The following TRIM8 variants were observed in gnomAD, a reference collection of about 807,000 sequenced individuals.
TRIM8 encodes E3 ubiquitin-protein ligase TRIM8.
In TRIM8, 9 loss-of-function variants were observed where a neutral mutation model predicts 55.7. The ratio of observed to expected loss-of-function variants is 0.16; its 90% CI spans 0.10 to 0.28. TRIM8 has a LOEUF of 0.28. Among genes scored for constraint, TRIM8 ranks in the 10% least tolerant of loss-of-function variants. TRIM8 has a pLI of 1.00. For missense variants in TRIM8, 556 were observed against 736.4 expected, an observed-to-expected ratio of 0.76 and a Z score of 2.83; for synonymous variants, 335 against 333.3, an observed-to-expected ratio of 1.01 and a Z score of -0.06.
Position 102,655,010 on chromosome 10 carries a change from G to A in TRIM8, c.667-70G>A. ...CTTAGGGTTCTAGGATGTGAGAAGG[G>A]TAAGAGGGGGGGAAACCAAAGGTTT... is the stretch of plus-strand genomic sequence containing the variant. On this transcript the variant is annotated intron_variant, in intron 2 of 5. Coordinates refer to ENST00000643721, the MANE Select transcript of TRIM8 (RefSeq NM_030912.3). 2.6e-6 allele frequency: 4 copies of A among 1,551,914 alleles called. No individual in the cohort carries two copies. The South Asian group carries it at 4.5e-5, about 18-fold the overall frequency.
At chr10:102,654,533 G>A (rs2064008501) in intron 1 of TRIM8, 120 bp from the exon 2 acceptor site, 1 of 814,374 alleles carries the variant, frequency 1.2e-6, no homozygotes, top group African/African-American at 1.7e-5. Flanking sequence ...GGGCTGGGTA[G>A]CAGAGGCTTG....
chr10:102,657,494 A>G lies in TRIM8; in HGVS notation c.*140A>G. Reference sequence around the variant, plus strand: ...ATTGCCCCAGGTCTTTTCCTTTTGGATTTTGTTTTGGTTTTGGCTTTGTTT... The same window carrying G: ...ATTGCCCCAGGTCTTTTCCTTTTGGGTTTTGTTTTGGTTTTGGCTTTGTTT... On this transcript the variant is annotated 3_prime_UTR_variant, in exon 6 of 6. Transcript: ENST00000643721. The G allele has an allele frequency of 1.7e-6, 2 of 1,147,774 alleles. No homozygotes were observed. The highest frequency in any genetic ancestry group is 2.8e-5 in the East Asian group (1 of 35,712). The allele number at this position is 1,147,774 out of a possible 1,614,324, so 71.1% of individuals were successfully genotyped here. A position where few individuals can be genotyped will look rare whatever the true frequency, so the allele number is the denominator to read the frequency against.
At chr10:102,648,886 G>GC (rs2063957341) in intron 1 of TRIM8, among the ~76,000 whole-genome samples, 1 of 152,186 alleles carries the variant, frequency 6.6e-6, no homozygotes, top group East Asian at 1.9e-4. Flanking sequence ...TTTCTCCGTT[G>GC]CCCGTGAAAG....
At position 102,650,008 on chromosome 10, in the gene TRIM8, C is replaced by T. The variant is rs894556212; in HGVS notation, c.571-4645C>T. ...AGGGACCTAAGCAGGAAGAGGCTGC[C>T]CAGCCCCCTCTTCTTGCCCCTCCCA... On this transcript the variant is annotated intron_variant, in intron 1 of 5. Coordinates refer to ENST00000643721, the MANE Select transcript of TRIM8 (RefSeq NM_030912.3). Among the ~76,000 whole-genome samples, 210 of 32,474 alleles carry T rather than the reference C, an allele frequency of 6.5e-3. 1 individual carries two copies. Among genetic ancestry groups the T allele is most frequent in the Middle Eastern group, 0.022 (1 of 46 alleles). The allele number at this position is 32,474 out of a possible 152,430, so 21.3% of individuals were successfully genotyped here.
At chr10:102,649,978 CG>C (rs2063967010) in intron 1 of TRIM8, among the ~76,000 whole-genome samples, 1 of 151,820 alleles carries the variant, frequency 6.6e-6, no homozygotes, top group South Asian at 2.1e-4. Flanking sequence ...TGGAGCTGGC[CG>C]GGCAGGGACC....
intron 1 of TRIM8, chr10:102,645,806 A>C (rs1233493175): frequency 6.6e-6 from 1 of 152,232 alleles, no homozygotes; most frequent in African/African-American, 2.4e-5. Context: ...TCCTCCCGAG[A>C]GCCGGCTCTC....
intron 1 of TRIM8, 104 bp from the exon 2 acceptor site, chr10:102,654,549 A>T (rs561094560): frequency 1.1e-6 from 1 of 931,304 alleles, no homozygotes; most frequent in South Asian, 1.4e-5. Context: ...GCTTGGTGCC[A>T]TCGGGTCAAA....
chr10:102,649,571 A>C, intron 1 of TRIM8, among the ~76,000 whole-genome samples: 1 of 152,302 alleles, frequency 6.6e-6, no homozygotes, highest in East Asian at 1.9e-4. Flanking sequence ...AAAGCCAGAC[A>C]AAGGGGGGCT....
intron 3 of TRIM8, among the ~76,000 whole-genome samples, 174 bp downstream of exon 3, chr10:102,655,487 C>T (rs767085761): frequency 3.9e-5 from 6 of 152,228 alleles, no homozygotes; most frequent in Non-Finnish European, 7.3e-5. Flanking sequence ...GTCATAGGTA[C>T]ATCCCGGGCC....
chr10:102,651,616 T>C (rs2135980474), intron 1 of TRIM8, among the ~76,000 whole-genome samples: 1 of 152,320 alleles, frequency 6.6e-6, no homozygotes, highest in Admixed American at 6.5e-5. Flanking sequence ...GTGTGAGATG[T>C]GTGGGGCCAG....
intron 1 of TRIM8, among the ~76,000 whole-genome samples, chr10:102,650,817 T>C (rs1398846334): frequency 6.6e-6 from 1 of 152,058 alleles, no homozygotes; most frequent in Non-Finnish European, 1.5e-5. Flanking sequence ...AGGAGGCTGC[T>C]GGTGGTGGGG....
At chr10:102,647,066 C>T (rs187585456) in intron 1 of TRIM8, among the ~76,000 whole-genome samples, 13 of 152,322 alleles carry the variant, frequency 8.5e-5, no homozygotes, top group Non-Finnish European at 1.3e-4. Flanking sequence ...TCCAATGCAC[C>T]TGTCTCCTGT....
At chr10:102,655,377 GTTTCCT>G in intron 3 of TRIM8, 64 bp downstream of exon 3, 1 of 1,470,230 alleles carries the variant, frequency 6.8e-7, no homozygotes, top group Non-Finnish European at 9.4e-7. Flanking sequence ...GAGATCTGCA[GTTTCCT>G]GCACCTGTAG....
intron 1 of TRIM8, 24 bp downstream of exon 1, chr10:102,645,211 G>GCACA (rs754322583): frequency 4.0e-5 from 57 of 1,408,448 alleles, no homozygotes; most frequent in Non-Finnish European, 5.0e-5. Flanking sequence ...GCGCGCGCGC[G>GCACA]CACACACACA....
chr10:102,647,619 C>G (rs1183646716), intron 1 of TRIM8, among the ~76,000 whole-genome samples: 1 of 152,168 alleles, frequency 6.6e-6, no homozygotes, highest in East Asian at 1.9e-4. Context: ...GGGTGGAGCG[C>G]TCTTCCTTGG....
rs2063925564 is a variant in TRIM8, at chr10:102,645,365, G to T, written c.570+178G>T. On this transcript the variant is annotated intron_variant, in intron 1 of 5. Coordinates refer to ENST00000643721, the MANE Select transcript of TRIM8 (RefSeq NM_030912.3). The stretch of plus-strand genomic sequence containing the variant: ...CAGGGTCCTGGGAAGAAGGGCCCCG[G>T]GTCGCTACTTGGTACATTCTCGCAC... 6.1e-6 allele frequency: 4 copies of T among 652,118 alleles called. No individual in the cohort carries two copies. In the South Asian group the frequency reaches 9.4e-5, roughly 15 times the overall value. The allele number at this position is 652,118 out of a possible 1,614,324, so 40.4% of individuals were successfully genotyped here. A position where few individuals can be genotyped will look rare whatever the true frequency, so the allele number is the denominator to read the frequency against.
chr10:102,646,509 A>C (rs71471247), intron 1 of TRIM8, among the ~76,000 whole-genome samples: 1 of 152,284 alleles, frequency 6.6e-6, no homozygotes, highest in Non-Finnish European at 1.5e-5. Flanking sequence ...ATACACATAC[A>C]ACCAACAAAA....
At position 102,644,594 on chromosome 10, in the gene TRIM8, C is replaced by T; in HGVS notation, c.-24C>T. 6.2e-7 allele frequency: 1 copy of T among 1,605,838 alleles called. No homozygotes were observed. The highest frequency in any genetic ancestry group is 8.5e-7 in the Non-Finnish European group (1 of 1,176,992). ...GGGCTGGGGAGTCGGGGAGGCCTGC[C>T]CCGGCCCCCTGCCCGCGGCCGCCAT... On this transcript the variant is annotated 5_prime_UTR_variant, in exon 1 of 6. Transcript: ENST00000643721.
At chr10:102,647,993 G>C (rs2063950122) in intron 1 of TRIM8, among the ~76,000 whole-genome samples, 1 of 152,236 alleles carries the variant, frequency 6.6e-6, no homozygotes, top group Non-Finnish European at 1.5e-5. Context: ...TCAGGCCCAA[G>C]CAGGTTGTTG....
Sources: allele counts gnomAD v4.1 joint callset (sites outside exome capture counted in the v4.1 genomes callset), GRCh38; gene constraint gnomAD v4.1.1; transcripts MANE v1.5; gene names NCBI Gene and HGNC (gene_info 2026-07-23, HGNC 2026-07-21).